SLC38A9: variants seen among roughly 807,000 people sequenced by gnomAD.
The protein encoded by SLC38A9 is solute carrier family 38 member 9, also known as neutral amino acid transporter 9.
SLC38A9 carries 48 observed loss-of-function variants against 62.3 expected under a neutral mutation model. The ratio of observed to expected loss-of-function variants is 0.77; its 90% CI spans 0.61 to 0.98. SLC38A9 has a LOEUF of 0.98. Ranked by LOEUF, SLC38A9 falls within the 50% of genes least tolerant of loss-of-function variation. SLC38A9 has a pLI of 0.00. For missense variants in SLC38A9, 541 were observed against 679.8 expected (o/e 0.80, Z 2.27); for synonymous variants, 204 against 227.7 (o/e 0.90, Z 0.94).
At chr5:55,683,163 AC>A (rs2150451678) in intron 3 of SLC38A9, among the ~76,000 whole-genome samples, 1 of 152,290 alleles carries the variant, frequency 6.6e-6, no homozygotes, top group East Asian at 1.9e-4. Flanking sequence ...TCACCTAAAA[AC>A]GTCATAGAAA....
chr5:55,697,069 C>T (rs1457666831), intron 3 of SLC38A9: 1 of 155,430 alleles, frequency 6.4e-6, no homozygotes, highest in Non-Finnish European at 1.4e-5. Context: ...ACGCTCCTCA[C>T]TTTCCAGACT....
At chr5:55,663,547 C>A (rs1317067877) in intron 8 of SLC38A9, among the ~76,000 whole-genome samples, 1 of 151,540 alleles carries the variant, frequency 6.6e-6, no homozygotes, top group Non-Finnish European at 1.5e-5. Context: ...AACAGCCTGG[C>A]CAACATGGTA....
At chr5:55,710,912 C>G (rs1223320359) in intron 2 of SLC38A9, among the ~76,000 whole-genome samples, 1 of 152,060 alleles carries the variant, frequency 6.6e-6, no homozygotes, top group Non-Finnish European at 1.5e-5. Flanking sequence ...GCCACGGCAC[C>G]TGGCCAAAAC....
chr5:55,634,422 TTA>T (rs1353581192), intron 13 of SLC38A9: 1 of 152,240 alleles, frequency 6.6e-6, no homozygotes, highest in African/African-American at 2.4e-5. Flanking sequence ...ATCACTAAAT[TTA>T]AAAGGATTTA....
chr5:55,710,754 T>C (rs1757916691), intron 2 of SLC38A9, among the ~76,000 whole-genome samples: 1 of 151,334 alleles, frequency 6.6e-6, no homozygotes, highest in Non-Finnish European at 1.5e-5. Context: ...TAGCTGGGAC[T>C]GCAGGCATGT....
At chr5:55,674,811 G>C (rs752056242) in intron 3 of SLC38A9, among the ~76,000 whole-genome samples, 7 of 152,272 alleles carry the variant, frequency 4.6e-5, no homozygotes, top group Non-Finnish European at 8.8e-5. Flanking sequence ...TTGGTAGTCT[G>C]CTGTAACTAC....
intron 3 of SLC38A9, among the ~76,000 whole-genome samples, chr5:55,675,700 G>GA (rs1484658078): frequency 6.6e-6 from 1 of 152,078 alleles, no homozygotes; most frequent in Admixed American, 6.5e-5. Context: ...TCATGCCACA[G>GA]AAAAAATGCT....
chr5:55,706,834 T>A (rs1399247284), intron 2 of SLC38A9, among the ~76,000 whole-genome samples: 1 of 152,172 alleles, frequency 6.6e-6, no homozygotes, highest in Admixed American at 6.5e-5. Flanking sequence ...GGAATTTTTT[T>A]ATTTAAATTT....
chr5:55,636,323 A>G (rs1402007447), intron 12 of SLC38A9, among the ~76,000 whole-genome samples: 4 of 152,162 alleles, frequency 2.6e-5, no homozygotes, highest in Admixed American at 6.6e-5. Flanking sequence ...GCTTTCTTCT[A>G]TTGCGGTTCC....
chr5:55,649,349 T>G (rs137871321), intron 10 of SLC38A9, 35 bp from the exon 11 acceptor site: 3 of 1,267,250 alleles, frequency 2.4e-6, no homozygotes, highest in East Asian at 2.4e-5. Context: ...ATTTATTATC[T>G]TTGTGTGTTT....
At chr5:55,652,961 A>G (rs1471527668) in intron 9 of SLC38A9, among the ~76,000 whole-genome samples, 1 of 152,012 alleles carries the variant, frequency 6.6e-6, no homozygotes, top group Non-Finnish European at 1.5e-5. Context: ...AGATATTATC[A>G]TTATTTTTAT....
intron 8 of SLC38A9, among the ~76,000 whole-genome samples, chr5:55,657,679 CAG>C (rs1432518849): frequency 6.6e-6 from 1 of 152,122 alleles, no homozygotes; most frequent in East Asian, 1.9e-4. Context: ...TTACTTGCCT[CAG>C]GGGGTTTACT....
At chr5:55,659,378 G>GATT (rs1554057103) in intron 8 of SLC38A9, among the ~76,000 whole-genome samples, 1 of 125,572 alleles carries the variant, frequency 8.0e-6, no homozygotes, top group African/African-American at 2.9e-5. Flanking sequence ...AACTGGAAAG[G>GATT]TTTTTTTTTT....
At chr5:55,638,233 G>A (rs1744782707) in intron 12 of SLC38A9, among the ~76,000 whole-genome samples, 1 of 152,132 alleles carries the variant, frequency 6.6e-6, no homozygotes, top group South Asian at 2.1e-4. Context: ...CTTATGAACA[G>A]TATACACATA....
At chr5:55,627,606 G>C (rs1364269282) in intron 15 of SLC38A9, among the ~76,000 whole-genome samples, 1 of 151,920 alleles carries the variant, frequency 6.6e-6, no homozygotes, top group Non-Finnish European at 1.5e-5. Flanking sequence ...TTTTATTTTG[G>C]ATATAGAGAG....
intron 3 of SLC38A9, among the ~76,000 whole-genome samples, chr5:55,687,012 A>G (rs1753929017): frequency 6.8e-6 from 1 of 147,442 alleles, no homozygotes; most frequent in African/African-American, 2.5e-5. Context: ...TGTTTTGGTT[A>G]CTGTACTCCT....
In SLC38A9 at chr5:55,692,936, C is replaced by A. The variant is rs557194632; in HGVS notation, c.113+4910G>T. 4 of 978,308 alleles carry A rather than the reference C, an allele frequency of 4.1e-6. No individual in the cohort carries two copies. The South Asian group carries it at 1.9e-4, about 46-fold the overall frequency. The allele number at this position is 978,308 out of a possible 1,614,324, so 60.6% of individuals were successfully genotyped here. A position where few individuals can be genotyped will look rare whatever the true frequency, so the allele number is the denominator to read the frequency against. On this transcript the variant is annotated intron_variant, in intron 3 of 15. Coordinates refer to ENST00000396865, the MANE Select transcript of SLC38A9 (RefSeq NM_173514.4). The stretch of plus-strand genomic sequence containing the variant: ...CACTATAAATGACAATGATAAATTT[C>A]TCATGTGATAAATTTCACATTTCCA...
rs1330498693 is a variant in SLC38A9 at position 55,628,084 on chromosome 5, A to C, written c.1431-104T>G. On this transcript the variant is annotated intron_variant, in intron 14 of 15. Coordinates refer to ENST00000396865, the MANE Select transcript of SLC38A9 (RefSeq NM_173514.4). ...GTTCATTCTTAACATCGTTAAAATC[A>C]AAATGTCTTAAGCTTGATAAAATCA... 5.7e-6 allele frequency: 4 copies of C among 702,148 alleles called. No homozygotes were observed. The East Asian group carries it at 8.1e-5, about 14-fold the overall frequency. 43.5% of individuals were successfully genotyped at this position (702,148 alleles called of 1,614,324 possible). A position where few individuals can be genotyped will look rare whatever the true frequency, so the allele number is the denominator to read the frequency against.
At chr5:55,677,926 T>TTGTGTGTGTGTGTGTGTGTGTGTG (rs10682261) in intron 3 of SLC38A9, among the ~76,000 whole-genome samples, 1 of 112,208 alleles carries the variant, frequency 8.9e-6, no homozygotes, top group Non-Finnish European at 1.8e-5. Flanking sequence ...TTTTTCTTTA[T>TTGTGTGTGTGTGTGTGTGTGTGTG]TGTGTGTGTG....
Sources: gnomAD v4.1 joint callset for allele counts (sites outside exome capture counted in the v4.1 genomes callset) on GRCh38, gnomAD v4.1.1 for gene constraint, MANE v1.5 for transcripts, NCBI Gene and HGNC (gene_info 2026-07-23, HGNC 2026-07-21) for gene names.